FER: variants seen among roughly 807,000 people sequenced by gnomAD.
The protein encoded by FER is tyrosine-protein kinase Fer.
A neutral mutation model predicts 111.0 loss-of-function variants in FER; 63 were observed. The observed-to-expected ratio is 0.57, with a 90% CI of 0.46 to 0.70. The LOEUF is 0.70. FER is among the 30% of genes least tolerant of loss of function. FER has a pLI of 0.00. For missense variants in FER, 914 were observed against 954.0 expected, an observed-to-expected ratio of 0.96 and a Z score of 0.55; for synonymous variants, 327 against 313.9, an observed-to-expected ratio of 1.04 and a Z score of -0.44.
At chr5:108,803,655 T>TA (rs984568364) in intron 3 of FER, among the ~76,000 whole-genome samples, 15 of 152,108 alleles carry the variant, frequency 9.9e-5, no homozygotes, top group African/African-American at 3.4e-4. Context: ...TTTTTTTTTT[T>TA]TAATTTCTGT....
rs1759420680 is a variant in FER, at chr5:109,192,035, A to G, written c.*4460A>G. On this transcript the variant is annotated 3_prime_UTR_variant, in exon 20 of 20. Transcript: ENST00000281092. ...CCATCCTCCTGCCTCATACCGATTC[A>G]GAAATTAAATTCTGAACTTTTAGTG... 2 of 152,310 alleles carry G rather than the reference A, an allele frequency of 1.3e-5. No individual in the cohort carries two copies. The highest frequency in any genetic ancestry group is 2.1e-4 in the South Asian group (1 of 4,828). 9.4% of individuals were successfully genotyped at this position (152,310 alleles called of 1,614,324 possible). A position where few individuals can be genotyped will look rare whatever the true frequency, so the allele number is the denominator to read the frequency against.
intron 13 of FER, among the ~76,000 whole-genome samples, chr5:109,024,941 C>G (rs55648535): frequency 0.15 from 21,774 of 141,436 alleles, 1,896 homozygotes; most frequent in Non-Finnish European, 0.19. Flanking sequence ...GATATACGGC[C>G]TTATTTCTGA....
chr5:108,885,214 T>C (rs561317962), intron 9 of FER, among the ~76,000 whole-genome samples: 1 of 152,078 alleles, frequency 6.6e-6, no homozygotes, highest in Non-Finnish European at 1.5e-5. Flanking sequence ...TTGAATGTCT[T>C]AGAAGTATCC....
intron 1 of FER, among the ~76,000 whole-genome samples, chr5:108,766,049 C>G (rs6871517): frequency 0.04 from 6,125 of 151,950 alleles, 178 homozygotes; most frequent in South Asian, 0.11. Flanking sequence ...CCCACCTTAG[C>G]CTCTCAAGTA....
chr5:109,086,752 A>G (rs899491644), intron 16 of FER, among the ~76,000 whole-genome samples: 1 of 151,222 alleles, frequency 6.6e-6, no homozygotes, highest in Non-Finnish European at 1.5e-5. Context: ...GGTTTCTTTC[A>G]TTCTTGTCTT....
At chr5:108,950,039 C>T (rs187497536) in intron 11 of FER, among the ~76,000 whole-genome samples, 2 of 151,814 alleles carry the variant, frequency 1.3e-5, no homozygotes, top group African/African-American at 2.4e-5. Flanking sequence ...GGAGGAAACC[C>T]CAAAGGTACT....
chr5:109,146,752 A>C (rs773134825), intron 17 of FER, among the ~76,000 whole-genome samples: 3 of 152,050 alleles, frequency 2.0e-5, no homozygotes, highest in Non-Finnish European at 2.9e-5. Flanking sequence ...CAGTACTGAC[A>C]GAATGAACCA....
intron 3 of FER, among the ~76,000 whole-genome samples, chr5:108,825,831 G>T (rs1227249000): frequency 6.6e-6 from 1 of 152,184 alleles, no homozygotes; most frequent in Admixed American, 6.5e-5. Flanking sequence ...GCTTCAGCCG[G>T]TTCCTCCATT....
chr5:108,774,073 C>T (rs954785595), intron 2 of FER, among the ~76,000 whole-genome samples: 2 of 151,988 alleles, frequency 1.3e-5, no homozygotes, highest in East Asian at 1.9e-4. Flanking sequence ...CCCCAACAGG[C>T]CCTGGTATGT....
At chr5:109,029,846 GT>G (rs1769344443) in intron 13 of FER, among the ~76,000 whole-genome samples, 1 of 152,064 alleles carries the variant, frequency 6.6e-6, no homozygotes, top group Non-Finnish European at 1.5e-5. Flanking sequence ...TCAGCTTCTT[GT>G]TTGTAGATTT....
At chr5:109,070,884 T>C (rs1193556962) in intron 16 of FER, among the ~76,000 whole-genome samples, 1 of 152,082 alleles carries the variant, frequency 6.6e-6, no homozygotes, top group African/African-American at 2.4e-5. Flanking sequence ...GATTATTTCA[T>C]GTATCTTTTG....
At chr5:109,010,781 T>G (rs1766161747) in intron 13 of FER, among the ~76,000 whole-genome samples, 1 of 152,312 alleles carries the variant, frequency 6.6e-6, no homozygotes, top group African/African-American at 2.4e-5. Context: ...TGCCCTCTCG[T>G]TTTCTACCTC....
intron 13 of FER, among the ~76,000 whole-genome samples, chr5:109,022,804 A>G (rs1768109000): frequency 6.6e-6 from 1 of 152,102 alleles, no homozygotes; most frequent in South Asian, 2.1e-4. Context: ...GATCAAAATC[A>G]ACAATAACCA....
intron 17 of FER, among the ~76,000 whole-genome samples, chr5:109,161,821 T>A (rs917111808): frequency 2.6e-5 from 4 of 152,186 alleles, no homozygotes; most frequent in African/African-American, 9.6e-5. Context: ...TAGCTCTGTT[T>A]CTAGGTCTTT....
In FER at chr5:108,954,827, A is replaced by T; in HGVS notation, c.1428A>T (p.Lys476Asn). Residue 476 changes from lysine to asparagine, a missense_variant, in exon 12 of 20, where the codon AAA becomes AAT. Lys to Asn is a moderately conservative substitution (Grantham distance 94, BLOSUM62 0). Coordinates refer to ENST00000281092, the MANE Select transcript of FER (RefSeq NM_005246.4). Reference protein sequence around the residue: ...PRIEAQELLKKQGDFLVRESH... With the variant: ...PRIEAQELLKNQGDFLVRESH... ...TAGAAGCTCAAGAACTGTTAAAAAA[A>T]CAAGGAGACTTTTTGGTGCGAGAGA... 1 of 1,612,572 alleles carries T rather than the reference A, an allele frequency of 6.2e-7. No homozygotes were observed. The highest frequency in any genetic ancestry group is 1.1e-5 in the South Asian group (1 of 91,020).
intron 13 of FER, among the ~76,000 whole-genome samples, chr5:109,000,752 G>T (rs545893777): frequency 6.6e-6 from 1 of 151,804 alleles, no homozygotes; most frequent in Non-Finnish European, 1.5e-5. Flanking sequence ...TTGATAGACC[G>T]CTAGCAAGAC....
intron 8 of FER, among the ~76,000 whole-genome samples, chr5:108,873,563 A>C (rs759897829): frequency 6.6e-6 from 1 of 152,170 alleles, no homozygotes; most frequent in Non-Finnish European, 1.5e-5. Flanking sequence ...TACTGGTGAG[A>C]GCAATGGAGG....
In FER at chr5:108,898,366, T is replaced by C. The variant is rs1312720544; in HGVS notation, c.1236+518T>C. 4.6e-5 allele frequency among the ~76,000 whole-genome samples: 7 copies of C among 152,264 alleles called. No individual in the cohort carries two copies. In the East Asian group the frequency reaches 1.3e-3, roughly 29 times the overall value. ...GAAATTCAACTTTATTTCATAGTTT[T>C]ATTAACTGTTTAAGAATGCCTAGTA... On this transcript the variant is annotated intron_variant, in intron 10 of 19. Transcript: ENST00000281092.
At chr5:108,935,294 G>T (rs938702257) in intron 10 of FER, among the ~76,000 whole-genome samples, 7 of 151,984 alleles carry the variant, frequency 4.6e-5, no homozygotes, top group African/African-American at 1.7e-4. Flanking sequence ...GCTTCTTGTG[G>T]CTGCTGGAGA....
Sources: gnomAD v4.1 joint callset for allele counts (sites outside exome capture counted in the v4.1 genomes callset) on GRCh38, gnomAD v4.1.1 for gene constraint, MANE v1.5 for transcripts, NCBI Gene and HGNC (gene_info 2026-07-23, HGNC 2026-07-21) for gene names.